The following MED23 variants were observed in gnomAD, a reference collection of about 807,000 sequenced individuals.
The protein encoded by MED23 is mediator complex subunit 23, also known as mediator of RNA polymerase II transcription subunit 23.
Under a neutral mutation model 163.9 loss-of-function variants are expected in MED23, and 105 were observed. The ratio of observed to expected loss-of-function variants is 0.64; its 90% CI spans 0.55 to 0.75. The LOEUF (loss-of-function observed/expected upper bound fraction) is 0.75, where lower values mean the gene tolerates loss of function less well. Ranked by LOEUF, MED23 falls within the 30% of genes least tolerant of loss-of-function variation. MED23 has a pLI of 0.00. For missense variants in MED23, 1,054 were observed against 1,649.0 expected (o/e 0.64, Z 6.25); for synonymous variants, 561 against 565.6 (o/e 0.99, Z 0.12).
chr6:131,599,308 C>T (rs942845387), intron 18 of MED23, among the ~76,000 whole-genome samples: 1 of 152,174 alleles, frequency 6.6e-6, no homozygotes, highest in Non-Finnish European at 1.5e-5. Flanking sequence ...AATGCTCTAG[C>T]CCTACCAGGA....
At chr6:131,586,093 T>C (rs1774164889), downstream of MED23, among the ~76,000 whole-genome samples, 1 of 152,208 alleles carries the variant, frequency 6.6e-6, no homozygotes, top group Non-Finnish European at 1.5e-5. Context: ...TTCTGGGTAA[T>C]TTTAAGAATG....
In MED23 at chr6:131,606,608, T is replaced by A. The variant is rs977425547; in HGVS notation, c.1238A>T (p.Asp413Val). The change falls in exon 13 of 29, where the codon GAT becomes GTT. Residue 413 changes from aspartate to valine, a missense_variant. Transcript: ENST00000368068. ...ATGGGTTGACTGGGGTTTGTTAATA[T>A]CAGGAACTGGGATATACTGAAAAAT... Reference protein sequence around the residue: ...YPEKEYIPVPDINKPQSTHAF... With the variant: ...YPEKEYIPVPVINKPQSTHAF... 6.2e-7 allele frequency: 1 copy of A among 1,611,058 alleles called. No individual in the cohort carries two copies. Among genetic ancestry groups the A allele is most frequent in the Non-Finnish European group, 8.5e-7 (1 of 1,177,534 alleles).
intron 6 of MED23, 126 bp downstream of exon 6, chr6:131,621,755 G>A: frequency 1.8e-6 from 1 of 553,728 alleles, no homozygotes; most frequent in Non-Finnish European, 3.2e-6. Context: ...TAAAATAGAA[G>A]TGATTTTTTT....
At chr6:131,592,522 CGG>C in intron 24 of MED23, 62 bp from the exon 25 acceptor site, 2 of 1,373,126 alleles carry the variant, frequency 1.5e-6, no homozygotes, top group Non-Finnish European at 2.1e-6. Flanking sequence ...TGGCTGACAA[CGG>C]ATCTTATTTT....
chr6:131,580,688 C>T (rs867713857), intron 30 of MED23, among the ~76,000 whole-genome samples: 9 of 152,278 alleles, frequency 5.9e-5, no homozygotes, highest in Middle Eastern at 6.8e-3. Flanking sequence ...AGTGAACACA[C>T]GCCATACGCT....
intron 15 of MED23, among the ~76,000 whole-genome samples, chr6:131,603,620 C>T (rs1360410743): frequency 6.6e-6 from 1 of 151,912 alleles, no homozygotes; most frequent in African/African-American, 2.4e-5. Flanking sequence ...AAGTTTTGTT[C>T]AACAATCAGT....
rs531412785 is a variant in MED23, at chr6:131,575,424, GT to G, written c.4096-1130del. On this transcript the variant is annotated intron_variant, in intron 30 of 30. Transcript: ENST00000354577. ...TGGGGTTGAAAGAAGGAGAAATCAT[GT>G]TTACTTGATTGGGGAGAGGCAGGTG... Among the ~76,000 whole-genome samples the G allele has an allele frequency of 5.8e-3, 890 of 152,252 alleles. 4 individuals are homozygous for G. Among genetic ancestry groups the G allele is most frequent in the Non-Finnish European group, 7.4e-3 (501 of 68,010 alleles).
In MED23 at chr6:131,610,061, A is replaced by G; in HGVS notation, c.1062T>C (p.Leu354=). The change falls in exon 11 of 29, where the codon CTT becomes CTC. Residue 354 remains leucine (L), a synonymous_variant. Coordinates refer to ENST00000368068, the MANE Select transcript of MED23 (RefSeq NM_004830.4). ...TAGTACATACCTTCTGATGAAGAGA[A>G]AGCACCATATGTGGAAAACTTGCAA... ...FQFASFPHMV[L]SLHQKLAGRG... is the part of the protein sequence containing the mutation. 6.2e-7 allele frequency: 1 copy of G among 1,613,878 alleles called. No homozygotes were observed.
rs191761957 is a variant in MED23 at position 131,577,942 on chromosome 6, C to T, written c.4096-3647G>A. Among the ~76,000 whole-genome samples, 8 of 148,642 alleles carry T rather than the reference C, an allele frequency of 5.4e-5. No homozygotes were observed. In the East Asian group the frequency reaches 1.4e-3, roughly 26 times the overall value. ...AAAAGAAAAAGGAATGGACCGCAAA[C>T]ACAGGCAAAAACATGGTAGATCTCA... On this transcript the variant is annotated intron_variant, in intron 30 of 30. Transcript: ENST00000354577.
chr6:131,622,059 A>T (rs1367644813), intron 5 of MED23, 80 bp from the exon 6 acceptor site: 7 of 989,582 alleles, frequency 7.1e-6, no homozygotes, highest in Non-Finnish European at 1.1e-5. Flanking sequence ...TTTCAGGGTG[A>T]TATATTCCTT....
chr6:131,614,861 A>G (rs1253540578), intron 10 of MED23, among the ~76,000 whole-genome samples: 2 of 152,146 alleles, frequency 1.3e-5, no homozygotes, highest in East Asian at 1.9e-4. Flanking sequence ...GCAAAGCAAC[A>G]TAAGTATTTT....
At position 131,627,476 on chromosome 6, in the gene MED23, T is replaced by C; in HGVS notation, c.79A>G (p.Met27Val). ...VIEEAFPGMF[M>V]DTPEDEKTKL... is the part of the protein sequence containing the mutation. ...GTTTTCTCATCTTCAGGAGTATCCATAAACATGCTAAAAAAATAAAAATTA... is the reference window on the plus strand; with the variant it reads ...GTTTTCTCATCTTCAGGAGTATCCACAAACATGCTAAAAAAATAAAAATTA... Residue 27 changes from methionine (M) to valine (V), a missense_variant, in exon 3 of 29, where the codon ATG becomes GTG. Around this residue, in one of 11 missense-constraint regions of MED23, gnomAD observed 227 missense variants for 235.5 expected, o/e 0.96. Coordinates refer to ENST00000368068, the MANE Select transcript of MED23 (RefSeq NM_004830.4). 1 of 1,612,798 alleles carries C rather than the reference T, an allele frequency of 6.2e-7. No individual in the cohort carries two copies. Among genetic ancestry groups the C allele is most frequent in the South Asian group, 1.1e-5 (1 of 91,020 alleles).
In MED23 at chr6:131,587,324, T is replaced by C. The variant is rs1013419891; in HGVS notation, c.*355A>G. On this transcript the variant is annotated 3_prime_UTR_variant, in exon 29 of 29. Coordinates refer to ENST00000368068, the MANE Select transcript of MED23 (RefSeq NM_004830.4). ...AAATAATATATCTGAAGACTAAATA[T>C]GTCATTAATAATAAAAAATACAAAC... is the stretch of plus-strand genomic sequence containing the variant. The C allele has an allele frequency of 9.1e-7, 1 of 1,101,172 alleles. No homozygotes were observed. The highest frequency in any genetic ancestry group is 1.1e-6 in the Non-Finnish European group (1 of 900,588). The allele number at this position is 1,101,172 out of a possible 1,614,324, so 68.2% of individuals were successfully genotyped here.
At chr6:131,591,761 A>ATGCAGTAAATCAATT (rs1273358479) in intron 25 of MED23, 1 of 578,812 alleles carries the variant, frequency 1.7e-6, no homozygotes, top group East Asian at 2.9e-5. Flanking sequence ...GGTACCTGAT[A>ATGCAGTAAATCAATT]TACACTATGC....
intron 22 of MED23, among the ~76,000 whole-genome samples, 195 bp downstream of exon 22, chr6:131,595,752 A>G (rs1469324733): frequency 6.6e-6 from 1 of 152,144 alleles, no homozygotes; most frequent in African/African-American, 2.4e-5. Context: ...CCTGTTCTGA[A>G]CTCATACTTT....
At chr6:131,580,290 T>TAAG (rs1773853517) in intron 30 of MED23, among the ~76,000 whole-genome samples, 1 of 152,172 alleles carries the variant, frequency 6.6e-6, no homozygotes, top group Non-Finnish European at 1.5e-5. Context: ...CTTTCTTTGT[T>TAAG]AAGTGGAAAT....
At chr6:131,609,837 G>T (rs764154149) in intron 11 of MED23, among the ~76,000 whole-genome samples, 1 of 150,988 alleles carries the variant, frequency 6.6e-6, no homozygotes, top group Non-Finnish European at 1.5e-5. Flanking sequence ...GCTGGTGCCT[G>T]CACTGAGAAT....
At chr6:131,577,340 T>G (rs1478552079) in intron 30 of MED23, among the ~76,000 whole-genome samples, 1 of 152,144 alleles carries the variant, frequency 6.6e-6, no homozygotes, top group Non-Finnish European at 1.5e-5. Flanking sequence ...TGAAAGTAGG[T>G]GGGCAGTTTC....
intron 3 of MED23, chr6:131,627,133 T>A (rs1006266868): frequency 2.5e-6 from 1 of 397,382 alleles, no homozygotes; most frequent in Non-Finnish European, 4.5e-6. Context: ...GAAAATGATC[T>A]CAATTAATCT....
Sources: allele counts gnomAD v4.1 joint callset (sites outside exome capture counted in the v4.1 genomes callset), GRCh38; gene constraint gnomAD v4.1.1; regional missense constraint gnomAD v4.1.1; transcripts MANE v1.5; gene names NCBI Gene and HGNC (gene_info 2026-07-23, HGNC 2026-07-21).